The following COL22A1 variants were observed in gnomAD, a reference collection of about 807,000 sequenced individuals.
COL22A1 encodes collagen alpha-1(XXII) chain.
COL22A1 carries 221 observed loss-of-function variants against 248.9 expected under a neutral mutation model. That is an observed-to-expected ratio of 0.89 (90% CI 0.80 to 0.99). COL22A1 has a LOEUF of 0.99. Among genes scored for constraint, COL22A1 ranks in the 50% least tolerant of loss-of-function variants. COL22A1 has a pLI of 0.00. For synonymous variants in COL22A1, 891 were observed against 793.4 expected, an observed-to-expected ratio of 1.12 and a Z score of -2.07; for missense variants, 2,240 against 2,179.0, an observed-to-expected ratio of 1.03 and a Z score of -0.56.
At chr8:138,804,669 C>T (rs1311879921) in intron 10 of COL22A1, among the ~76,000 whole-genome samples, 2 of 152,028 alleles carry the variant, frequency 1.3e-5, no homozygotes, top group Non-Finnish European at 1.5e-5. Context: ...AGAAGACTCA[C>T]CAGGGGAGAG....
At chr8:138,643,671 T>C (rs538635736) in intron 47 of COL22A1, among the ~76,000 whole-genome samples, 33 of 143,418 alleles carry the variant, frequency 2.3e-4, no homozygotes, top group South Asian at 1.7e-3. Context: ...GATAGACAGA[T>C]AGATTGCATA....
At chr8:138,840,446 C>T (rs1032640130) in intron 4 of COL22A1, among the ~76,000 whole-genome samples, 4 of 151,924 alleles carry the variant, frequency 2.6e-5, no homozygotes, top group African/African-American at 7.3e-5. Flanking sequence ...TAGAGGGTCC[C>T]GGTCACCAAA....
At chr8:138,903,311 A>G (rs1243558757) in intron 1 of COL22A1, among the ~76,000 whole-genome samples, 1 of 152,142 alleles carries the variant, frequency 6.6e-6, no homozygotes, top group East Asian at 1.9e-4. Context: ...CAACCCCAGG[A>G]TCACCAACGG....
chr8:138,744,497 AC>A, intron 22 of COL22A1, among the ~76,000 whole-genome samples: 1 of 152,092 alleles, frequency 6.6e-6, no homozygotes, highest in East Asian at 1.9e-4. Context: ...ACACACACAC[AC>A]ACACACTCAT....
chr8:138,749,046 G>T (rs1330699025), intron 22 of COL22A1, among the ~76,000 whole-genome samples: 1 of 152,082 alleles, frequency 6.6e-6, no homozygotes, highest in African/African-American at 2.4e-5. Context: ...CTTTCACTTG[G>T]TTCTCATTCT....
At chr8:138,722,387 TC>T (rs1453373086) in intron 25 of COL22A1, among the ~76,000 whole-genome samples, 1 of 152,172 alleles carries the variant, frequency 6.6e-6, no homozygotes, top group Non-Finnish European at 1.5e-5. Context: ...CTCTGATGGT[TC>T]TATTTCTACC....
At chr8:138,716,963 G>T in intron 27 of COL22A1, 94 bp from the exon 28 acceptor site, 3 of 931,628 alleles carry the variant, frequency 3.2e-6, no homozygotes, top group Non-Finnish European at 5.3e-6. Context: ...CATAGCACCT[G>T]CCAGCCACAA....
chr8:138,778,738 G>A lies in COL22A1; in HGVS notation c.1705-332C>T, dbSNP rs557309180. Among the ~76,000 whole-genome samples, 12 of 152,276 alleles carry A rather than the reference G, an allele frequency of 7.9e-5. No individual in the cohort carries two copies. In the South Asian group the frequency reaches 1.2e-3, roughly 16 times the overall value. ...CCATTTCACTCTCCCCGTGCCCCTC[G>A]GCCTCCCCATGACCTGGGTCTGGAT... On this transcript the variant is annotated intron_variant, in intron 14 of 64. Coordinates refer to ENST00000303045, the MANE Select transcript of COL22A1 (RefSeq NM_152888.3).
At chr8:138,806,141 T>TGTATGTTTGATTGTGTGTGAGG (rs1563788737) in intron 10 of COL22A1, among the ~76,000 whole-genome samples, 4 of 62,290 alleles carry the variant, frequency 6.4e-5, no homozygotes, top group African/African-American at 3.3e-4. Context: ...TGTGTGGTGG[T>TGTATGTTTGATTGTGTGTGAGG]GTGTGTGTGA....
At chr8:138,803,505 A>G (rs937839942) in intron 10 of COL22A1, among the ~76,000 whole-genome samples, 1 of 152,104 alleles carries the variant, frequency 6.6e-6, no homozygotes, top group Non-Finnish European at 1.5e-5. Context: ...CATGTACCCT[A>G]AAACTTAAAG....
chr8:138,676,462 A>AAAGAAAGAAAGAAAGG lies in COL22A1; in HGVS notation c.3150+95_3150+96insCCTTTCTTTCTTTCTT, dbSNP rs1305914427. On this transcript the variant is annotated intron_variant, in intron 41 of 64. Transcript: ENST00000303045. ...GAAAGAAAGAAAGAAAGAAAGGAAG[A>AAAGAAAGAAAGAAAGG]AAGAAAGAAAGAAAAGAGTGTTTCT... 7.9e-4 allele frequency: 478 copies of AAAGAAAGAAAGAAAGG among 605,848 alleles called. No individual in the cohort carries two copies. The African/African-American group carries it at 9.1e-3, about 12-fold the overall frequency. 37.5% of individuals were successfully genotyped at this position (605,848 alleles called of 1,614,324 possible).
chr8:138,609,045 G>A (rs779644566), intron 56 of COL22A1, among the ~76,000 whole-genome samples: 5 of 152,204 alleles, frequency 3.3e-5, no homozygotes, highest in Admixed American at 1.3e-4. Context: ...CCTCTAATGT[G>A]CGAAGCATGC....
intron 3 of COL22A1, among the ~76,000 whole-genome samples, chr8:138,867,335 T>G (rs1357348752): frequency 6.6e-6 from 1 of 152,184 alleles, no homozygotes; most frequent in Non-Finnish European, 1.5e-5. Flanking sequence ...ACTTCTCGAC[T>G]CTGCTCAACT....
intron 1 of COL22A1, among the ~76,000 whole-genome samples, chr8:138,913,181 C>G (rs1484631301): frequency 6.6e-6 from 1 of 152,046 alleles, no homozygotes; most frequent in Admixed American, 6.6e-5. Context: ...TTCCCCACCC[C>G]CTGCTCCATT....
intron 22 of COL22A1, among the ~76,000 whole-genome samples, chr8:138,742,063 G>A (rs900769732): frequency 6.6e-6 from 1 of 151,246 alleles, no homozygotes; most frequent in African/African-American, 2.4e-5. Flanking sequence ...TGATGGTAGA[G>A]TTGATGGTGA....
chr8:138,745,573 T>TTTC (rs146513394), intron 22 of COL22A1, among the ~76,000 whole-genome samples: 1,682 of 152,278 alleles, frequency 0.011, 45 homozygotes, highest in African/African-American at 0.039. Context: ...TAAAAATAAA[T>TTTC]AAGAAAAAGT....
intron 41 of COL22A1, among the ~76,000 whole-genome samples, chr8:138,666,091 G>C (rs1486755663): frequency 6.6e-6 from 1 of 152,194 alleles, no homozygotes; most frequent in Non-Finnish European, 1.5e-5. Context: ...ACAGTGGCAA[G>C]TCACAATAAA....
At chr8:138,608,621 A>G (rs1462995564) in intron 56 of COL22A1, among the ~76,000 whole-genome samples, 2 of 152,234 alleles carry the variant, frequency 1.3e-5, no homozygotes, top group African/African-American at 4.8e-5. Context: ...GCACATTCAT[A>G]GTTTCGGTGA....
At chr8:138,591,222 C>T (rs953296008) in intron 64 of COL22A1, among the ~76,000 whole-genome samples, 2 of 152,156 alleles carry the variant, frequency 1.3e-5, no homozygotes, top group Non-Finnish European at 2.9e-5. Flanking sequence ...ATAGAATACA[C>T]TACAGTTTTC....
Sources: allele counts gnomAD v4.1 joint callset (sites outside exome capture counted in the v4.1 genomes callset), GRCh38; gene constraint gnomAD v4.1.1; transcripts MANE v1.5; gene names NCBI Gene and HGNC (gene_info 2026-07-23, HGNC 2026-07-21).